The following SLC9C2 variants were observed in gnomAD, a reference collection of about 807,000 sequenced individuals.
SLC9C2 encodes the protein sodium/hydrogen exchanger 11.
A neutral mutation model predicts 140.2 loss-of-function variants in SLC9C2; 75 were observed. The ratio of observed to expected loss-of-function variants is 0.53; its 90% confidence interval spans 0.44 to 0.65. The LOEUF (loss-of-function observed/expected upper bound fraction) is 0.65, where lower values mean the gene tolerates loss of function less well. Among genes scored for constraint, SLC9C2 ranks in the 30% least tolerant of loss-of-function variants. The pLI is 0.00. For synonymous variants in SLC9C2, 375 were observed against 420.9 expected (o/e 0.89, Z 1.34); for missense variants, 1,074 against 1,331.8 (o/e 0.81, Z 3.01).
chr1:173,573,114 C>A, intron 9 of SLC9C2, 68 bp downstream of exon 9: 1 of 1,200,422 alleles, frequency 8.3e-7, no homozygotes, highest in South Asian at 1.8e-5. Context: ...TATGCCACTG[C>A]TTCCTAATTC....
intron 23 of SLC9C2, among the ~76,000 whole-genome samples, chr1:173,510,838 T>C (rs1372521150): frequency 6.6e-6 from 1 of 152,108 alleles, no homozygotes; most frequent in Non-Finnish European, 1.5e-5. Context: ...TATATTCCTT[T>C]GGGTATTTAC....
chr1:173,600,829 T>A (rs1261495652), intron 2 of SLC9C2, among the ~76,000 whole-genome samples: 1 of 152,192 alleles, frequency 6.6e-6, no homozygotes, highest in Non-Finnish European at 1.5e-5. Context: ...ATATTAAAGA[T>A]TCCCAAAGAA....
At chr1:173,594,906 G>A (rs1203871337) in intron 4 of SLC9C2, among the ~76,000 whole-genome samples, 1 of 152,010 alleles carries the variant, frequency 6.6e-6, no homozygotes, top group Non-Finnish European at 1.5e-5. Flanking sequence ...TTTGTTTTTT[G>A]TTTTTGTTTT....
intron 7 of SLC9C2, 54 bp from the exon 8 acceptor site, chr1:173,576,814 A>C: frequency 9.9e-7 from 1 of 1,012,618 alleles, no homozygotes; most frequent in Non-Finnish European, 1.5e-6. Flanking sequence ...ATATCTGCAC[A>C]CTGAGACACT....
chr1:173,549,127 A>C (rs1448931002), intron 11 of SLC9C2, among the ~76,000 whole-genome samples: 1 of 152,248 alleles, frequency 6.6e-6, no homozygotes, highest in African/African-American at 2.4e-5. Flanking sequence ...ACCAAAGAGA[A>C]GAATTAAATG....
At chr1:173,528,782 T>C (rs768935030) in intron 18 of SLC9C2, among the ~76,000 whole-genome samples, 8 of 151,998 alleles carry the variant, frequency 5.3e-5, no homozygotes, top group Non-Finnish European at 1.2e-4. Context: ...AAATCAAGAG[T>C]GTAACTTGGG....
Position 173,530,007 on chromosome 1 carries a change from C to T in SLC9C2, c.2211G>A (p.Lys737=). 1.2e-6 allele frequency: 2 copies of T among 1,613,110 alleles called. No homozygotes were observed. Among genetic ancestry groups the T allele is most frequent in the Non-Finnish European group, 1.7e-6 (2 of 1,179,760 alleles). ...TAATACTATACATCAAGCTGAGGCG[C>T]TTTTTGATCTGCACATCTGCAATTC... ...LIRIADVQIK[K]RLSLMYSITK... Residue 737 remains lysine (K), a synonymous_variant, in exon 18 of 28, where the codon AAG becomes AAA. Coordinates refer to ENST00000367714, the MANE Select transcript of SLC9C2 (RefSeq NM_178527.4).
intron 8 of SLC9C2, among the ~76,000 whole-genome samples, chr1:173,574,149 A>G (rs867367614): frequency 6.6e-6 from 1 of 152,324 alleles, no homozygotes; most frequent in Middle Eastern, 3.4e-3. Flanking sequence ...GACTTCCACA[A>G]GCAGATCTCA....
At chr1:173,565,657 G>GTT (rs202204612) in intron 9 of SLC9C2, among the ~76,000 whole-genome samples, 16 of 151,736 alleles carry the variant, frequency 1.1e-4, no homozygotes, top group African/African-American at 3.9e-4. Context: ...CTCCACTTTT[G>GTT]TTTTTTTTGC....
chr1:173,554,335 C>T (rs1339298918), intron 11 of SLC9C2, among the ~76,000 whole-genome samples: 1 of 152,192 alleles, frequency 6.6e-6, no homozygotes. Flanking sequence ...CACCATTTCC[C>T]CTTTCTAGTT....
intron 5 of SLC9C2, among the ~76,000 whole-genome samples, chr1:173,586,093 T>G (rs1341020452): frequency 2.0e-5 from 3 of 151,558 alleles, no homozygotes; most frequent in Non-Finnish European, 4.4e-5. Flanking sequence ...GTCAAGAGAG[T>G]GCAGAAAGGA....
chr1:173,562,954 T>G (rs1445992223), intron 9 of SLC9C2, among the ~76,000 whole-genome samples: 1 of 151,900 alleles, frequency 6.6e-6, no homozygotes, highest in African/African-American at 2.4e-5. Context: ...CAGGGAGTGC[T>G]AAAAGGAGAA....
intron 19 of SLC9C2, 82 bp from the exon 20 acceptor site, chr1:173,525,009 C>A: frequency 7.3e-7 from 1 of 1,377,156 alleles, no homozygotes; most frequent in Non-Finnish European, 9.9e-7. Context: ...TGTATAATTT[C>A]CAAAGCATTT....
chr1:173,534,824 T>C, intron 15 of SLC9C2, 142 bp from the exon 16 acceptor site: 1 of 657,692 alleles, frequency 1.5e-6, no homozygotes, highest in Non-Finnish European at 2.1e-6. Context: ...ATCAAAAGCA[T>C]ATTTTCTATA....
At chr1:173,537,518 T>C (rs1258933485) in intron 13 of SLC9C2, among the ~76,000 whole-genome samples, 1 of 152,046 alleles carries the variant, frequency 6.6e-6, no homozygotes, top group Non-Finnish European at 1.5e-5. Context: ...GCCGAGATCA[T>C]GCCATTGCAC....
In SLC9C2 at chr1:173,506,862, A is replaced by G. The variant is rs756842397; in HGVS notation, c.3219T>C (p.Cys1073=). Residue 1073 remains cysteine, a synonymous_variant, in exon 25 of 28, where the codon TGT becomes TGC. Transcript: ENST00000367714. ...YFAPCIIPTT[C]EQVQGTSDLS... ...TAGAAATGATATTTCTTACCTGCTC[A>G]CAGGTTGTAGGTATAATGCAAGGTG... is the stretch of plus-strand genomic sequence containing the variant. 1.2e-5 allele frequency: 19 copies of G among 1,611,882 alleles called. No homozygotes were observed. In the South Asian group the frequency reaches 2.1e-4, roughly 18 times the overall value.
intron 9 of SLC9C2, among the ~76,000 whole-genome samples, chr1:173,564,638 T>C (rs1460676769): frequency 4.0e-5 from 2 of 50,484 alleles, no homozygotes; most frequent in African/African-American, 2.5e-4. Flanking sequence ...TTTCCTTTTC[T>C]TTTTTTTTTT....
intron 4 of SLC9C2, 37 bp downstream of exon 4, chr1:173,597,867 A>G: frequency 1.3e-6 from 2 of 1,539,592 alleles, no homozygotes; most frequent in East Asian, 2.3e-5. Context: ...GTGCATAAGC[A>G]AGAATTGATC....
rs139652454 is a variant in SLC9C2 at position 173,591,713 on chromosome 1, T to C, written c.358-3883A>G. On this transcript the variant is annotated intron_variant, in intron 4 of 27. Coordinates refer to ENST00000367714, the MANE Select transcript of SLC9C2 (RefSeq NM_178527.4). ...CTGTTTTTATCCTTTGCCCACTTTTTAATGGAGTTGTTTTCTTGTAAATTT... is the reference window on the plus strand; with the variant it reads ...CTGTTTTTATCCTTTGCCCACTTTTCAATGGAGTTGTTTTCTTGTAAATTT... Among the ~76,000 whole-genome samples the C allele has an allele frequency of 1.1e-3, 167 of 152,322 alleles. 1 individual carries two copies. Among genetic ancestry groups the C allele is most frequent in the African/African-American group, 3.9e-3 (162 of 41,576 alleles).
Sources: allele counts gnomAD v4.1 joint callset (sites outside exome capture counted in the v4.1 genomes callset), GRCh38; gene constraint gnomAD v4.1.1; transcripts MANE v1.5; gene names NCBI Gene and HGNC (gene_info 2026-07-23, HGNC 2026-07-21).